Variants in DPP10 observed in about 807,000 individuals in gnomAD.
The protein encoded by DPP10 is inactive dipeptidyl peptidase 10.
DPP10 carries 33 observed loss-of-function variants against 120.9 expected under a neutral mutation model. The observed-to-expected ratio is 0.27, with a 90% CI of 0.21 to 0.37. DPP10 has a LOEUF of 0.37. Among genes scored for constraint, DPP10 ranks in the 10% least tolerant of loss-of-function variants. The pLI is 1.00. For missense variants in DPP10, 816 were observed against 942.8 expected, an observed-to-expected ratio of 0.87 and a Z score of 1.76; for synonymous variants, 337 against 326.1, an observed-to-expected ratio of 1.03 and a Z score of -0.36.
At chr2:114,537,795 G>A (rs923813363) in intron 1 of DPP10, among the ~76,000 whole-genome samples, 12 of 152,164 alleles carry the variant, frequency 7.9e-5, no homozygotes, top group African/African-American at 2.7e-4. Context: ...CTAGCTAGTG[G>A]CAGCTTTGGA....
intron 5 of DPP10, among the ~76,000 whole-genome samples, chr2:115,549,402 C>T (rs760967438): frequency 1.3e-5 from 2 of 152,032 alleles, no homozygotes; most frequent in Non-Finnish European, 2.9e-5. Flanking sequence ...CCTTGATCTC[C>T]GTCCCTTTCT....
At chr2:115,773,153 G>A (rs576422611) in intron 13 of DPP10, among the ~76,000 whole-genome samples, 6 of 152,248 alleles carry the variant, frequency 3.9e-5, no homozygotes, top group South Asian at 2.1e-4. Flanking sequence ...CTCATCTCAT[G>A]TGGTGAATAG....
rs116189405 is a variant in DPP10 at position 115,387,241 on chromosome 2, G to A, written c.271+43329G>A. ...CAATAGAAGGCTCCAATGGAGATGG[G>A]GGTGAGGGGGCAAGAGAATCCTTAG... is the stretch of plus-strand genomic sequence containing the variant. On this transcript the variant is annotated intron_variant, in intron 3 of 25. Transcript: ENST00000410059. 5.2e-3 allele frequency among the ~76,000 whole-genome samples: 786 copies of A among 152,264 alleles called. 6 individuals carry two copies. The highest frequency in any genetic ancestry group is 0.017 in the African/African-American group (710 of 41,550).
intron 1 of DPP10, among the ~76,000 whole-genome samples, chr2:115,199,832 C>G (rs935716582): frequency 1.8e-4 from 28 of 152,164 alleles, no homozygotes; most frequent in African/African-American, 6.3e-4. Context: ...TGACAGGTTG[C>G]AGATCTGAGT....
At chr2:114,786,298 G>A (rs767643416) in intron 1 of DPP10, among the ~76,000 whole-genome samples, 3 of 152,154 alleles carry the variant, frequency 2.0e-5, no homozygotes, top group Non-Finnish European at 4.4e-5. Context: ...TGTGTTTGGT[G>A]CAACTTACTT....
At chr2:115,374,376 C>G (rs2106417495) in intron 3 of DPP10, among the ~76,000 whole-genome samples, 1 of 152,302 alleles carries the variant, frequency 6.6e-6, no homozygotes, top group East Asian at 1.9e-4. Flanking sequence ...ACATCTTGGG[C>G]TGCTCTTCCC....
At chr2:114,793,201 G>A (rs1683400248) in intron 1 of DPP10, among the ~76,000 whole-genome samples, 1 of 152,018 alleles carries the variant, frequency 6.6e-6, no homozygotes, top group African/African-American at 2.4e-5. Flanking sequence ...AGAACGTGAA[G>A]CCTTGTCACA....
intron 1 of DPP10, among the ~76,000 whole-genome samples, chr2:114,510,156 T>C (rs1684008592): frequency 6.6e-6 from 1 of 152,172 alleles, no homozygotes; most frequent in Non-Finnish European, 1.5e-5. Context: ...TCAGAAGCAT[T>C]TGTAGAATGA....
At chr2:115,203,559 C>T (rs2055895368) in intron 1 of DPP10, among the ~76,000 whole-genome samples, 1 of 152,058 alleles carries the variant, frequency 6.6e-6, no homozygotes, top group Admixed American at 6.6e-5. Flanking sequence ...CAAACTACTA[C>T]CCTATCCTAT....
At chr2:115,605,221 G>A (rs1465355268) in intron 5 of DPP10, among the ~76,000 whole-genome samples, 8 of 152,024 alleles carry the variant, frequency 5.3e-5, no homozygotes, top group Admixed American at 5.2e-4. Context: ...GATGTCACAA[G>A]GGTTATATAA....
Position 114,580,875 on chromosome 2 carries a change from A to G in DPP10, c.60+138037A>G, listed in dbSNP as rs146368189. Among the ~76,000 whole-genome samples the G allele has an allele frequency of 4.3e-3, 650 of 152,236 alleles. 5 individuals carry two copies. The highest frequency in any genetic ancestry group is 0.015 in the African/African-American group (612 of 41,544). Reference sequence around the variant, plus strand: ...TGTGCGCTGTTCTTTCGAGGCTGTCAGCTCACTGCCATCTCAGCTGGCCAT... The same window carrying G: ...TGTGCGCTGTTCTTTCGAGGCTGTCGGCTCACTGCCATCTCAGCTGGCCAT... On this transcript the variant is annotated intron_variant, in intron 1 of 25. Coordinates refer to ENST00000410059, the MANE Select transcript of DPP10 (RefSeq NM_020868.6).
chr2:114,616,202 T>C (rs373541907), intron 1 of DPP10, among the ~76,000 whole-genome samples: 1 of 152,116 alleles, frequency 6.6e-6, no homozygotes. Context: ...TACACATGAA[T>C]TGTCTTTACC....
chr2:115,329,801 G>A (rs2062597855), intron 2 of DPP10, among the ~76,000 whole-genome samples: 1 of 152,214 alleles, frequency 6.6e-6, no homozygotes, highest in African/African-American at 2.4e-5. Context: ...ATTCCATGGT[G>A]TATATGTACC....
At chr2:115,638,099 A>C (rs1451258739) in intron 5 of DPP10, among the ~76,000 whole-genome samples, 2 of 152,178 alleles carry the variant, frequency 1.3e-5, no homozygotes, top group Non-Finnish European at 1.5e-5. Context: ...AGAATTATGC[A>C]CTTTCATATA....
chr2:115,839,673 C>CAAAAA (rs57734176), intron 24 of DPP10, among the ~76,000 whole-genome samples: 1 of 90,524 alleles, frequency 1.1e-5, no homozygotes, highest in East Asian at 4.0e-4. Context: ...GACTCCATCT[C>CAAAAA]AAAAAAAAAA....
chr2:115,227,888 A>T (rs1475663128), intron 1 of DPP10, among the ~76,000 whole-genome samples: 1 of 148,622 alleles, frequency 6.7e-6, no homozygotes, highest in Non-Finnish European at 1.5e-5. Flanking sequence ...TAATAGTTGT[A>T]TATATTTATG....
intron 1 of DPP10, among the ~76,000 whole-genome samples, chr2:115,242,672 A>ATTT (rs539909325): frequency 1.6e-5 from 2 of 124,196 alleles, no homozygotes; most frequent in Admixed American, 8.3e-5. Flanking sequence ...GCCAACATCT[A>ATTT]TTTTTTTTTT....
At chr2:115,531,022 A>G (rs1044210253) in intron 5 of DPP10, among the ~76,000 whole-genome samples, 1 of 152,152 alleles carries the variant, frequency 6.6e-6, no homozygotes, top group African/African-American at 2.4e-5. Context: ...TTTTGTGCCA[A>G]AGTCTTTACT....
At chr2:114,535,249 T>C (rs1430108) in intron 1 of DPP10, among the ~76,000 whole-genome samples, 68,758 of 151,916 alleles carry the variant, frequency 0.45, 16,014 homozygotes, top group East Asian at 0.68. Context: ...CTCTGTGGAG[T>C]GAAGAAGAAC....
Sources: allele counts gnomAD v4.1 joint callset (sites outside exome capture counted in the v4.1 genomes callset), GRCh38; gene constraint gnomAD v4.1.1; transcripts MANE v1.5; gene names NCBI Gene and HGNC (gene_info 2026-07-23, HGNC 2026-07-21).